Variants in AGBL3 observed in about 807,000 individuals in gnomAD.
AGBL3 encodes the protein cytosolic carboxypeptidase 3.
AGBL3 carries 68 observed loss-of-function variants against 94.5 expected under a neutral mutation model. The ratio of observed to expected loss-of-function variants is 0.72; its 90% CI spans 0.59 to 0.88. The LOEUF is 0.88. AGBL3 is among the 40% of genes least tolerant of loss of function. The pLI, the probability that AGBL3 is intolerant of heterozygous loss-of-function variation, is 0.00. For missense variants in AGBL3, 934 were observed against 1,103.8 expected (o/e 0.85, Z 2.18); for synonymous variants, 354 against 370.7 (o/e 0.95, Z 0.52).
chr7:135,067,349 T>G (rs895569605), intron 12 of AGBL3, among the ~76,000 whole-genome samples: 9 of 152,212 alleles, frequency 5.9e-5, no homozygotes, highest in Non-Finnish European at 1.3e-4. Flanking sequence ...CAGAAACCTC[T>G]GCAGACTTAA....
rs1373884560 is a variant in AGBL3 at position 134,993,487 on chromosome 7, T to C, written c.125-6T>C. ...ACTCATGATTGTGTTTGAATCTTTT[T>C]CTCAGCTGACTCTTTTGGTGATCCC... On this transcript the variant is annotated splice_region_variant and splice_polypyrimidine_tract_variant and intron_variant, in intron 3 of 16. Transcript: ENST00000436302. The C allele has an allele frequency of 1.3e-6, 2 of 1,530,786 alleles. No individual in the cohort carries two copies. The highest frequency in any genetic ancestry group is 1.8e-6 in the Non-Finnish European group (2 of 1,136,898). The allele number at this position is 1,530,786 out of a possible 1,614,324, so 94.8% of individuals were successfully genotyped here. A position where few individuals can be genotyped will look rare whatever the true frequency, so the allele number is the denominator to read the frequency against.
At chr7:135,063,691 T>C (rs532659583) in intron 12 of AGBL3, among the ~76,000 whole-genome samples, 16 of 152,324 alleles carry the variant, frequency 1.1e-4, no homozygotes, top group African/African-American at 3.8e-4. Flanking sequence ...TGTCACTATT[T>C]TTCTGTTATA....
intron 12 of AGBL3, among the ~76,000 whole-genome samples, chr7:135,075,349 T>C (rs910190365): frequency 6.6e-6 from 1 of 152,216 alleles, no homozygotes; most frequent in East Asian, 1.9e-4. Context: ...GGATTGGCTT[T>C]TATCAGTTGG....
chr7:135,094,300 T>G (rs1212004827), intron 15 of AGBL3: 1 of 448,538 alleles, frequency 2.2e-6, no homozygotes, highest in Admixed American at 2.4e-5. Flanking sequence ...ATCAGAGAAC[T>G]GAGGCTGACA....
intron 5 of AGBL3, among the ~76,000 whole-genome samples, chr7:135,017,950 C>T (rs1476018850): frequency 6.6e-6 from 1 of 152,000 alleles, no homozygotes; most frequent in Non-Finnish European, 1.5e-5. Context: ...CTCAGAACTG[C>T]CATACATAAC....
chr7:135,057,229 T>C (rs977958637), intron 11 of AGBL3, among the ~76,000 whole-genome samples: 1 of 152,158 alleles, frequency 6.6e-6, no homozygotes, highest in Non-Finnish European at 1.5e-5. Context: ...GAAGCAACTT[T>C]ACACCTTTCA....
intron 16 of AGBL3, among the ~76,000 whole-genome samples, chr7:135,131,586 A>G (rs930790079): frequency 2.0e-5 from 3 of 152,118 alleles, no homozygotes; most frequent in Non-Finnish European, 4.4e-5. Context: ...AACTAACTGC[A>G]TATGCTAAAA....
intron 16 of AGBL3, among the ~76,000 whole-genome samples, chr7:135,131,698 A>G (rs920789203): frequency 3.3e-5 from 5 of 152,068 alleles, no homozygotes; most frequent in Non-Finnish European, 7.4e-5. Flanking sequence ...GATAATAAAG[A>G]TAAGAGCAGA....
intron 13 of AGBL3, among the ~76,000 whole-genome samples, chr7:135,079,688 G>A (rs890840546): frequency 1.1e-4 from 16 of 149,008 alleles, no homozygotes; most frequent in African/African-American, 1.5e-4. Context: ...GGCTTGTCTC[G>A]AACTCCTGAC....
At chr7:135,047,420 C>A (rs1817469945) in intron 11 of AGBL3, among the ~76,000 whole-genome samples, 1 of 151,966 alleles carries the variant, frequency 6.6e-6, no homozygotes. Flanking sequence ...GATCATATGG[C>A]AGTTCTGTTT....
At chr7:135,118,838 A>G (rs1017638485) in intron 16 of AGBL3, among the ~76,000 whole-genome samples, 3 of 152,210 alleles carry the variant, frequency 2.0e-5, no homozygotes, top group Admixed American at 2.0e-4. Context: ...AGAACCAAAT[A>G]GAAATTTTTG....
intron 7 of AGBL3, 72 bp downstream of exon 7, chr7:135,035,000 T>A: frequency 7.6e-7 from 1 of 1,308,902 alleles, no homozygotes; most frequent in Non-Finnish European, 1.0e-6. Flanking sequence ...TCCCACAATC[T>A]CATTCATTTT....
intron 11 of AGBL3, among the ~76,000 whole-genome samples, chr7:135,053,941 A>G (rs147147439): frequency 2.2e-3 from 328 of 152,316 alleles, no homozygotes; most frequent in African/African-American, 7.3e-3. Context: ...ATAGATTCCT[A>G]CTGTGTCAAA....
intron 4 of AGBL3, among the ~76,000 whole-genome samples, chr7:134,996,940 A>G (rs968886174): frequency 6.6e-6 from 1 of 152,232 alleles, no homozygotes; most frequent in Non-Finnish European, 1.5e-5. Flanking sequence ...CAGAGAAGCC[A>G]TTATACTCAT....
chr7:135,072,453 A>G (rs1335694696), intron 12 of AGBL3, among the ~76,000 whole-genome samples: 1 of 152,304 alleles, frequency 6.6e-6, no homozygotes, highest in East Asian at 1.9e-4. Context: ...TGCTATAAAG[A>G]CACATGCACA....
intron 15 of AGBL3, chr7:135,094,467 T>G (rs1376701001): frequency 2.2e-6 from 1 of 456,684 alleles, no homozygotes; most frequent in East Asian, 6.9e-5. Flanking sequence ...GCGCACTAGC[T>G]TGAAAGTGAG....
At chr7:135,104,068 A>G (rs1824271783) in intron 15 of AGBL3, among the ~76,000 whole-genome samples, 1 of 150,908 alleles carries the variant, frequency 6.6e-6, no homozygotes, top group Admixed American at 6.6e-5. Context: ...CCCTCCTCCC[A>G]CCCTTCACCC....
chr7:135,078,512 T>G (rs886829220), intron 13 of AGBL3, among the ~76,000 whole-genome samples: 4 of 152,344 alleles, frequency 2.6e-5, no homozygotes, highest in African/African-American at 9.6e-5. Flanking sequence ...GGGATTTTTT[T>G]TTAATGTATA....
chr7:135,008,535 A>G (rs1812689548), intron 4 of AGBL3, among the ~76,000 whole-genome samples: 1 of 152,118 alleles, frequency 6.6e-6, no homozygotes, highest in Non-Finnish European at 1.5e-5. Flanking sequence ...AAACCCTTAC[A>G]AGGAAACATA....
Sources: gnomAD v4.1 joint callset for allele counts (sites outside exome capture counted in the v4.1 genomes callset) on GRCh38, gnomAD v4.1.1 for gene constraint, MANE v1.5 for transcripts, NCBI Gene and HGNC (gene_info 2026-07-23, HGNC 2026-07-21) for gene names.